SYT9: variants seen among roughly 807,000 people sequenced by gnomAD.
The protein encoded by SYT9 is synaptotagmin 9, also known as synaptotagmin-9.
In SYT9, 22 loss-of-function variants were observed where a neutral mutation model predicts 48.4. The observed-to-expected ratio is 0.45, with a 90% CI of 0.32 to 0.65. The LOEUF is 0.65. SYT9 is among the 30% of genes least tolerant of loss of function. SYT9 has a pLI of 0.03. For missense variants in SYT9, 577 were observed against 622.0 expected (o/e 0.93, Z 0.77); for synonymous variants, 265 against 245.0 (o/e 1.08, Z -0.76).
intron 3 of SYT9, among the ~76,000 whole-genome samples, chr11:7,408,033 T>C (rs1257807864): frequency 6.6e-6 from 1 of 151,758 alleles, no homozygotes; most frequent in East Asian, 2.0e-4. Flanking sequence ...ATTATACACA[T>C]TGTAGGATTG....
chr11:7,339,338 G>A (rs1434861942), intron 3 of SYT9, among the ~76,000 whole-genome samples: 2 of 151,962 alleles, frequency 1.3e-5, no homozygotes, highest in South Asian at 2.1e-4. Flanking sequence ...AATGGGGCAC[G>A]TAATCCATTT....
At chr11:7,447,795 T>C (rs904151577) in intron 6 of SYT9, among the ~76,000 whole-genome samples, 1 of 152,234 alleles carries the variant, frequency 6.6e-6, no homozygotes, top group East Asian at 1.9e-4. Flanking sequence ...ACAGATACTG[T>C]ATCTCATTCA....
At chr11:7,240,983 G>A (rs1003466791) in intron 1 of SYT9, among the ~76,000 whole-genome samples, 1 of 152,114 alleles carries the variant, frequency 6.6e-6, no homozygotes, top group African/African-American at 2.4e-5. Flanking sequence ...GCTCACTGCT[G>A]TTCACTGACA....
intron 5 of SYT9, 105 bp from the exon 6 acceptor site, chr11:7,420,401 C>T: frequency 7.0e-7 from 1 of 1,435,512 alleles, no homozygotes; most frequent in Non-Finnish European, 9.5e-7. Flanking sequence ...AACAAACAAA[C>T]AAACAAAAAA....
At chr11:7,349,195 G>T (rs1849861018) in intron 3 of SYT9, among the ~76,000 whole-genome samples, 1 of 151,968 alleles carries the variant, frequency 6.6e-6, no homozygotes, top group African/African-American at 2.4e-5. Context: ...GCCGGGGACT[G>T]GGGGGAGGGG....
chr11:7,293,110 G>A (rs1356760283), intron 1 of SYT9, among the ~76,000 whole-genome samples: 10 of 152,188 alleles, frequency 6.6e-5, no homozygotes, highest in African/African-American at 2.4e-5. Flanking sequence ...TGATGAGACA[G>A]CACTTTGCAA....
At chr11:7,287,750 G>T (rs539287211) in intron 1 of SYT9, among the ~76,000 whole-genome samples, 1 of 152,218 alleles carries the variant, frequency 6.6e-6, no homozygotes, top group South Asian at 2.1e-4. Context: ...GATAAATAAT[G>T]ATGACTTTTA....
chr11:7,371,571 G>A (rs1321043301), intron 3 of SYT9, among the ~76,000 whole-genome samples: 1 of 152,004 alleles, frequency 6.6e-6, no homozygotes, highest in Non-Finnish European at 1.5e-5. Context: ...TCAGTTTAAT[G>A]AGTTTTGACA....
At chr11:7,454,872 G>A (rs1028088979) in intron 6 of SYT9, among the ~76,000 whole-genome samples, 3 of 152,214 alleles carry the variant, frequency 2.0e-5, no homozygotes, top group African/African-American at 7.2e-5. Flanking sequence ...GAGTTTGCCT[G>A]GAGGAGGCTT....
chr11:7,240,705 C>G (rs1462310887), intron 1 of SYT9, among the ~76,000 whole-genome samples: 1 of 152,128 alleles, frequency 6.6e-6, no homozygotes, highest in East Asian at 1.9e-4. Flanking sequence ...TTTTTTATAT[C>G]TTAAAAATTA....
chr11:7,466,869 C>A lies in SYT9; in HGVS notation c.*69C>A. 6.3e-7 allele frequency: 1 copy of A among 1,578,992 alleles called. No individual in the cohort carries two copies. On this transcript the variant is annotated 3_prime_UTR_variant, in exon 7 of 7. Coordinates refer to ENST00000318881, the MANE Select transcript of SYT9 (RefSeq NM_175733.4). ...ACCATCTCACAAAGATCTTAAGTAA[C>A]TTTTTCCATCCAGCAACATCCAGAC...
At chr11:7,308,405 G>A (rs374929984) in intron 2 of SYT9, among the ~76,000 whole-genome samples, 1 of 152,174 alleles carries the variant, frequency 6.6e-6, no homozygotes, top group African/African-American at 2.4e-5. Context: ...GAAAGCCCGC[G>A]ATGGAAGGGG....
At chr11:7,251,648 G>A (rs2119748913), upstream of SYT9, among the ~76,000 whole-genome samples, 1 of 152,178 alleles carries the variant, frequency 6.6e-6, no homozygotes, top group South Asian at 2.1e-4. Flanking sequence ...GTGGGAGCGG[G>A]TGCTTGGTTT....
At chr11:7,376,282 C>T (rs919320084) in intron 3 of SYT9, among the ~76,000 whole-genome samples, 1 of 151,316 alleles carries the variant, frequency 6.6e-6, no homozygotes, top group Admixed American at 6.6e-5. Context: ...TCTTCTCTTT[C>T]TCTCTTTTTC....
chr11:7,302,992 C>T (rs1265861901), intron 1 of SYT9, 47 bp from the exon 2 acceptor site: 1 of 1,556,978 alleles, frequency 6.4e-7, no homozygotes, highest in South Asian at 1.1e-5. Flanking sequence ...AATGGGTGGG[C>T]TTGAGGGGAA....
intron 3 of SYT9, among the ~76,000 whole-genome samples, chr11:7,408,761 A>G (rs1416134835): frequency 6.6e-6 from 1 of 152,220 alleles, no homozygotes; most frequent in African/African-American, 2.4e-5. Flanking sequence ...TCATATCATC[A>G]GCAAAGAAAT....
chr11:7,291,339 G>C (rs1313586996), intron 1 of SYT9, among the ~76,000 whole-genome samples: 1 of 152,204 alleles, frequency 6.6e-6, no homozygotes, highest in Non-Finnish European at 1.5e-5. Context: ...GTATTCATCA[G>C]ATGTTGGAAG....
intron 3 of SYT9, among the ~76,000 whole-genome samples, chr11:7,334,403 G>A (rs773817491): frequency 5.1e-4 from 78 of 152,134 alleles, no homozygotes; most frequent in South Asian, 6.2e-4. Flanking sequence ...AAGGCCACTC[G>A]CGTGTGGTTA....
At chr11:7,247,100 A>T (rs1159455466), upstream of SYT9, among the ~76,000 whole-genome samples, 1 of 152,102 alleles carries the variant, frequency 6.6e-6, no homozygotes, top group Non-Finnish European at 1.5e-5. Flanking sequence ...CTCTTTTTAA[A>T]AATTATTTTT....
Sources: gnomAD v4.1 joint callset for allele counts (sites outside exome capture counted in the v4.1 genomes callset) on GRCh38, gnomAD v4.1.1 for gene constraint, MANE v1.5 for transcripts, NCBI Gene and HGNC (gene_info 2026-07-23, HGNC 2026-07-21) for gene names.